The following CDHR5 variants were observed in gnomAD, a reference collection of about 807,000 sequenced individuals.
CDHR5 encodes cadherin-related family member 5.
A neutral mutation model predicts 69.5 loss-of-function variants in CDHR5; 82 were observed. The ratio of observed to expected loss-of-function variants is 1.18; its 90% confidence interval spans 0.99 to 1.42. CDHR5 has a LOEUF of 1.42. Among genes scored for constraint, CDHR5 ranks in the 40% most tolerant of loss-of-function variants. CDHR5 has a pLI of 0.00. For synonymous variants in CDHR5, 601 were observed against 510.2 expected, an observed-to-expected ratio of 1.18 and a Z score of -2.40; for missense variants, 1,293 against 1,168.9, an observed-to-expected ratio of 1.11 and a Z score of -1.55.
chr11:623,707 G>C (rs1332224499), intron 3 of CDHR5, among the ~76,000 whole-genome samples: 2 of 152,120 alleles, frequency 1.3e-5, no homozygotes, highest in Non-Finnish European at 2.9e-5. Flanking sequence ...CACAGGGGCT[G>C]TTCTGCCACG....
chr11:619,169 A>ATGGGGGGACATC lies in CDHR5; in HGVS notation c.1379-1_1389dup (p.Asp460_Pro463dup). ...CCAGTTGTTCCTCCAGCCTCTGGGG[A>ATGGGGGGACATC]TGGGGGGACATCTGGGGGCCGGGAA... On this transcript the variant is annotated inframe_insertion, in exon 13 of 15. Transcript: ENST00000397542. 1 of 1,540,508 alleles carries ATGGGGGGACATC rather than the reference A, an allele frequency of 6.5e-7. No homozygotes were observed. Among genetic ancestry groups the ATGGGGGGACATC allele is most frequent in the South Asian group, 1.2e-5 (1 of 82,858 alleles).
At chr11:623,596 A>C (rs1483957634) in intron 3 of CDHR5, among the ~76,000 whole-genome samples, 2 of 151,208 alleles carry the variant, frequency 1.3e-5, no homozygotes, top group Non-Finnish European at 2.9e-5. Context: ...GGGAGCCCTG[A>C]GGCTGCAGTG....
In CDHR5 at chr11:624,351, CCAT is replaced by C. The variant is rs951635685; in HGVS notation, c.262-91_262-89del. On this transcript the variant is annotated intron_variant, in intron 2 of 14. Coordinates refer to ENST00000397542, the MANE Select transcript of CDHR5 (RefSeq NM_021924.5). The surrounding 1 kb of genome is among the most constrained non-coding windows in gnomAD (Gnocchi z 5.3). ...GTGGGCAGGCGCTGGCCCAGGGTCC[CCAT>C]CATCAGTGGTCAGTGCTGAGGGTGT... 2.7e-6 allele frequency: 2 copies of C among 732,780 alleles called. No homozygotes were observed. The highest frequency in any genetic ancestry group is 4.0e-5 in the Admixed American group (2 of 50,454). The allele number at this position is 732,780 out of a possible 1,614,324, so 45.4% of individuals were successfully genotyped here. A position where few individuals can be genotyped will look rare whatever the true frequency, so the allele number is the denominator to read the frequency against.
chr11:620,452 C>CT, intron 7 of CDHR5, 66 bp from the exon 8 acceptor site: 2 of 1,152,276 alleles, frequency 1.7e-6, no homozygotes, highest in Middle Eastern at 2.4e-4. Context: ...CCTGGCCCCT[C>CT]TGACTCCCCA....
At position 618,652 on chromosome 11, in the gene CDHR5, G is replaced by A. The variant is rs747592661; in HGVS notation, c.1907C>T (p.Pro636Leu). The A allele has an allele frequency of 2.5e-6, 4 of 1,591,984 alleles. No individual in the cohort carries two copies. In the Admixed American group the frequency reaches 7.0e-5, roughly 28 times the overall value. ...CATCGGCTGAGAGGTTCCTGGCTCT[G>A]GGGTCTGTGCTGTGCCCCCACCGGG... ...TTPGGGTAQT[P>L]EPGTSQPMPL... Residue 636 changes from proline to leucine, a missense_variant, in exon 13 of 15, where the codon CCA (proline) becomes CTA (leucine). By Grantham distance (98) the Pro-to-Leu change is moderately conservative (BLOSUM62 -3). Transcript: ENST00000397542.
intron 3 of CDHR5, among the ~76,000 whole-genome samples, chr11:623,341 C>T (rs927076365): frequency 1.3e-5 from 2 of 152,066 alleles, no homozygotes; most frequent in Admixed American, 1.3e-4. Flanking sequence ...GAGACATATC[C>T]CAAGATATGT....
In CDHR5 at chr11:621,013, T is replaced by A; in HGVS notation, c.789+67A>T. On this transcript the variant is annotated intron_variant, in intron 7 of 14. Transcript: ENST00000397542. The surrounding 1 kb of genome is among the most constrained non-coding windows in gnomAD (Gnocchi z 4.4). The stretch of plus-strand genomic sequence containing the variant: ...GACCCCGCCCTTCCTCTCCTGATCC[T>A]GGCCGTCCCTGTGTCCAGCCTGCCT... The A allele has an allele frequency of 3.5e-5, 25 of 720,170 alleles. No individual in the cohort carries two copies. Among genetic ancestry groups the A allele is most frequent in the East Asian group, 4.6e-5 (1 of 21,630 alleles). 44.6% of individuals were successfully genotyped at this position (720,170 alleles called of 1,614,324 possible). A position where few individuals can be genotyped will look rare whatever the true frequency, so the allele number is the denominator to read the frequency against.
Position 621,316 on chromosome 11 carries a change from G to A in CDHR5, c.618+29C>T. The A allele has an allele frequency of 6.2e-7, 1 of 1,611,268 alleles. No individual in the cohort carries two copies. Among genetic ancestry groups the A allele is most frequent in the Non-Finnish European group, 8.5e-7 (1 of 1,178,362 alleles). ...TGGGGCCGGGGGGCCTCAAGTGTGT[G>A]GGACTCGGGGCTGGGGTGACCTGCT... On this transcript the variant is annotated intron_variant, in intron 6 of 14. Coordinates refer to ENST00000397542, the MANE Select transcript of CDHR5 (RefSeq NM_021924.5). This position sits in a 1 kb window ranked among gnomAD's most constrained non-coding sequence, Gnocchi z 4.4.
intron 14 of CDHR5, 88 bp downstream of exon 14, chr11:617,866 A>T (rs893518822): frequency 1.8e-5 from 27 of 1,514,668 alleles, no homozygotes; most frequent in Non-Finnish European, 2.4e-5. Flanking sequence ...CTCCGTCTCC[A>T]CATCTGTCCC....
In CDHR5 at chr11:618,810, G is replaced by T. The variant is rs779884616; in HGVS notation, c.1749C>A (p.Pro583=). The T allele has an allele frequency of 4.3e-6, 7 of 1,611,830 alleles. No individual in the cohort carries two copies. In the East Asian group the frequency reaches 8.9e-5, roughly 21 times the overall value. The part of the protein sequence containing the change: ...TPEPGTSQPM[P]PSMGTSTSHQ... ...GGGAGGTGCTGGTTCCCATACTGGG[G>T]GGCATCGGCTGAGAGGTTCCTGGCT... Residue 583 remains proline (P), a synonymous_variant, in exon 13 of 15, where the codon CCC becomes CCA. Coordinates refer to ENST00000397542, the MANE Select transcript of CDHR5 (RefSeq NM_021924.5).
rs763340654 is a variant in CDHR5, at chr11:619,711, CAG to C, written c.1147_1148del (p.Leu383GlufsTer50). On this transcript the variant is annotated frameshift_variant, in exon 10 of 15. Transcript: ENST00000397542. LOFTEE classifies it high-confidence loss of function. ...VKDAAAPSQP[L>X]RIQAQDPEFS... ...ACTCCGGGTCCTGAGCCTGGATCCT[CAG>C]AGGCTGAGAAGGGGCAGCTGCATCC... The C allele has an allele frequency of 1.4e-4, 231 of 1,613,104 alleles. No homozygotes were observed. Among genetic ancestry groups the C allele is most frequent in the Non-Finnish European group, 1.9e-4 (223 of 1,180,004 alleles).
Position 617,441 on chromosome 11 carries a change from G to T in CDHR5, c.2448C>A (p.Ala816=), listed in dbSNP as rs570930849. ...CCTCATCGCCGCTGCCGGAGTCACT[G>T]GCGCCATCCACGTCCAGGGTGGGCG... ...LNAPTLDVDG[A]SDSGSGDEGE... The change falls in exon 15 of 15, where the codon GCC becomes GCA. Residue 816 remains alanine, a synonymous_variant. Transcript: ENST00000397542. 2 of 1,612,358 alleles carry T rather than the reference G, an allele frequency of 1.2e-6. No homozygotes were observed. The highest frequency in any genetic ancestry group is 1.7e-6 in the Non-Finnish European group (2 of 1,179,592).
rs1857382618 is a variant in CDHR5, at chr11:621,464, G to C, written c.508-9C>G. Reference sequence around the variant, plus strand: ...AAGTAGTCACTGGCACCCTGGGGAGGGTCAGGGAGGACAGAGCCTAAGAGC... The same window carrying C: ...AAGTAGTCACTGGCACCCTGGGGAGCGTCAGGGAGGACAGAGCCTAAGAGC... On this transcript the variant is annotated splice_polypyrimidine_tract_variant and intron_variant, in intron 5 of 14. Transcript: ENST00000397542. This position sits in a 1 kb window ranked among gnomAD's most constrained non-coding sequence, Gnocchi z 4.4. 1.9e-6 allele frequency: 3 copies of C among 1,608,864 alleles called. No homozygotes were observed. In the East Asian group the frequency reaches 6.7e-5, roughly 36 times the overall value.
At position 619,910 on chromosome 11, in the gene CDHR5, G is replaced by A. The variant is rs774100305; in HGVS notation, c.979-29C>T. 66 of 1,508,874 alleles carry A rather than the reference G, an allele frequency of 4.4e-5. No homozygotes were observed. The East Asian group carries it at 1.5e-3, about 35-fold the overall frequency. 93.5% of individuals were successfully genotyped at this position (1,508,874 alleles called of 1,614,324 possible). A position where few individuals can be genotyped will look rare whatever the true frequency, so the allele number is the denominator to read the frequency against. ...GAGGCGGGGGAGGCAGCAGTGACTA[G>A]TGGGGTTGAAGGTGGAGCTGGCGCT... On this transcript the variant is annotated intron_variant, in intron 9 of 14. Coordinates refer to ENST00000397542, the MANE Select transcript of CDHR5 (RefSeq NM_021924.5).
At position 619,313 on chromosome 11, in the gene CDHR5, G is replaced by A. The variant is rs139414777; in HGVS notation, c.1371C>T (p.Pro457=). ...IEIQVSEQEP[P]STDVPPSPEA... is the part of the protein sequence containing the mutation. ...CTGTGGAGGGGGGCTTACCTGTGGA[G>A]GGGGGCTCCTGTTCGGAAACTTGTA... is the stretch of plus-strand genomic sequence containing the variant. Residue 457 remains proline (P), a synonymous_variant, in exon 12 of 15, where the codon CCC becomes CCT. Coordinates refer to ENST00000397542, the MANE Select transcript of CDHR5 (RefSeq NM_021924.5). 7.5e-6 allele frequency: 12 copies of A among 1,609,048 alleles called. No homozygotes were observed. Among genetic ancestry groups the A allele is most frequent in the Admixed American group, 1.7e-5 (1 of 59,950 alleles).
Position 617,423 on chromosome 11 carries a change from G to T in CDHR5, c.2466C>A (p.Gly822=), listed in dbSNP as rs374458706. Residue 822 remains glycine (G), a synonymous_variant, in exon 15 of 15, where the codon GGC becomes GGA. Transcript: ENST00000397542. Reference sequence around the variant, plus strand: ...CCCTCCCCGCGCCCTCGCCCTCATCGCCGCTGCCGGAGTCACTGGCGCCAT... The same window carrying T: ...CCCTCCCCGCGCCCTCGCCCTCATCTCCGCTGCCGGAGTCACTGGCGCCAT... The part of the protein sequence containing the change: ...DVDGASDSGS[G]DEGEGAGRGG... 1.9e-4 allele frequency: 306 copies of T among 1,610,402 alleles called. 7 individuals carry two copies. The highest frequency in any genetic ancestry group is 4.8e-4 in the South Asian group (44 of 91,038).
At chr11:618,507 C>T in intron 13 of CDHR5, 92 bp downstream of exon 13, 1 of 1,458,818 alleles carries the variant, frequency 6.9e-7, no homozygotes, top group East Asian at 2.3e-5. Flanking sequence ...CATGGTCAGG[C>T]CAGGTCAGCC....
In CDHR5 at chr11:619,143, C is replaced by T. The variant is rs1388288103; in HGVS notation, c.1416G>A (p.Gly472=). 1.3e-6 allele frequency: 2 copies of T among 1,571,880 alleles called. No homozygotes were observed. Among genetic ancestry groups the T allele is most frequent in the Non-Finnish European group, 1.7e-6 (2 of 1,161,072 alleles). The change falls in exon 13 of 15, where the codon GGG becomes GGA. Residue 472 remains glycine (G), a synonymous_variant. Coordinates refer to ENST00000397542, the MANE Select transcript of CDHR5 (RefSeq NM_021924.5). Reference sequence around the variant, plus strand: ...CCTCGGAAGTGGTGCTGGTCCAGGGCCCAGTTGTTCCTCCAGCCTCTGGGG... The same window carrying T: ...CCTCGGAAGTGGTGCTGGTCCAGGGTCCAGTTGTTCCTCCAGCCTCTGGGG... ...PPSPEAGGTT[G]PWTSTTSEVP...
chr11:623,795 G>A (rs184343500), intron 3 of CDHR5, among the ~76,000 whole-genome samples: 6 of 152,226 alleles, frequency 3.9e-5, no homozygotes, highest in African/African-American at 1.4e-4. Flanking sequence ...GAGTGCTGGT[G>A]TCCCGGCCCT....
Sources: gnomAD v4.1 joint callset for allele counts (sites outside exome capture counted in the v4.1 genomes callset) on GRCh38, gnomAD v4.1.1 for gene constraint, Gnocchi (gnomAD v3.1) non-coding constraint, MANE v1.5 for transcripts, NCBI Gene and HGNC (gene_info 2026-07-23, HGNC 2026-07-21) for gene names.